Variants in ROS1 observed in about 807,000 individuals in gnomAD.
The protein encoded by ROS1 is proto-oncogene tyrosine-protein kinase ROS.
ROS1 carries 263 observed loss-of-function variants against 273.5 expected under a neutral mutation model. The observed-to-expected ratio is 0.96, with a 90% confidence interval of 0.87 to 1.06. The LOEUF (loss-of-function observed/expected upper bound fraction) is 1.06, where lower values mean the gene tolerates loss of function less well. ROS1 is among the 50% of genes least tolerant of loss of function. The pLI is 0.00. For missense variants in ROS1, 2,833 were observed against 2,751.1 expected, an observed-to-expected ratio of 1.03 and a Z score of -0.67; for synonymous variants, 1,008 against 954.1, an observed-to-expected ratio of 1.06 and a Z score of -1.04.
intron 27 of ROS1, among the ~76,000 whole-genome samples, chr6:117,346,806 C>T (rs538992374): frequency 2.0e-5 from 3 of 152,150 alleles, no homozygotes; most frequent in East Asian, 1.9e-4. Context: ...GTACATTTTA[C>T]GGGTTTGGAC....
rs1562362971 is a variant in ROS1, at chr6:117,397,060, CCA to C, written c.659_660del (p.Val220GlyfsTer18). ...RNIESSSPDT[V>X]EVSWDPPQFP... is the part of the protein sequence containing the mutation. The stretch of plus-strand genomic sequence containing the variant: ...AATTGAGGTGGATCCCAGCTGACTT[CCA>C]CAGTGTCGGGACTTGAGCTCTCAAT... On this transcript the variant is annotated frameshift_variant, in exon 8 of 44. Coordinates refer to ENST00000368507, the MANE Select transcript of ROS1 (RefSeq NM_001378902.1). LOFTEE classifies it high-confidence loss of function. The C allele has an allele frequency of 6.2e-7, 1 of 1,613,982 alleles. No individual in the cohort carries two copies. Among genetic ancestry groups the C allele is most frequent in the Admixed American group, 1.7e-5 (1 of 60,016 alleles).
At position 117,425,734 on chromosome 6, in the gene ROS1, A is replaced by G; in HGVS notation, c.-78T>C. On this transcript the variant is annotated 5_prime_UTR_variant, in exon 1 of 44. Coordinates refer to ENST00000368507, the MANE Select transcript of ROS1 (RefSeq NM_001378902.1). ...CTATATGAATTATTTGGGCTTCATC[A>G]CTTCAATTGGAGGAGTAGCTGATGG... is the stretch of plus-strand genomic sequence containing the variant. 1 of 1,480,798 alleles carries G rather than the reference A, an allele frequency of 6.8e-7. No homozygotes were observed. Among genetic ancestry groups the G allele is most frequent in the Non-Finnish European group, 9.3e-7 (1 of 1,077,006 alleles). 91.7% of individuals were successfully genotyped at this position (1,480,798 alleles called of 1,614,324 possible).
chr6:117,316,239 A>G (rs956809309), intron 39 of ROS1, among the ~76,000 whole-genome samples: 7 of 152,098 alleles, frequency 4.6e-5, no homozygotes, highest in African/African-American at 1.4e-4. Context: ...TGAAAAATCA[A>G]CATGTGTCAG....
chr6:117,383,315 ACCTTTTTCCCAGAAAACCAAGG>A lies in ROS1; in HGVS notation c.2461_2481+1del, dbSNP rs766485383. On this transcript the variant is annotated splice_donor_variant and coding_sequence_variant, in exon 17 of 44. Coordinates refer to ENST00000368507, the MANE Select transcript of ROS1 (RefSeq NM_001378902.1). LOFTEE classifies it high-confidence loss of function. The stretch of plus-strand genomic sequence containing the variant: ...AAATGATCAGATCTTTTAATTTGTC[ACCTTTTTCCCAGAAAACCAAGG>A]CTGTGTCTGTAGTACAAGGGAACTT... 2 of 1,609,192 alleles carry A rather than the reference ACCTTTTTCCCAGAAAACCAAGG, an allele frequency of 1.2e-6. No homozygotes were observed. Among genetic ancestry groups the A allele is most frequent in the Non-Finnish European group, 1.7e-6 (2 of 1,175,912 alleles).
At position 117,321,293 on chromosome 6, in the gene ROS1, C is replaced by G. The variant is rs759091073; in HGVS notation, c.5725G>C (p.Gly1909Arg). 8.1e-5 allele frequency: 130 copies of G among 1,613,698 alleles called. No homozygotes were observed. The highest frequency in any genetic ancestry group is 1.1e-4 in the Non-Finnish European group (125 of 1,179,846). ...ELAELRGLAA[G>R]VGLANACYAI... ...TAGCAGGCATTAGCCAGGCCTACTC[C>G]GGCTGCCAGACCTCGCAGCTCAGCC... The change falls in exon 36 of 44, where the codon GGA (glycine) becomes CGA (arginine). Residue 1909 changes from glycine to arginine, a missense_variant. Physicochemically the swap from Gly to Arg is moderately radical, Grantham distance 125 (BLOSUM62 -2). Transcript: ENST00000368507.
intron 17 of ROS1, among the ~76,000 whole-genome samples, chr6:117,381,183 GTT>G (rs752612391): frequency 7.6e-5 from 9 of 118,500 alleles, no homozygotes; most frequent in South Asian, 2.8e-4. Context: ...GCAGAGGACT[GTT>G]TTTTTTTTTT....
At chr6:117,340,135 T>G (rs1004623310) in intron 31 of ROS1, among the ~76,000 whole-genome samples, 1 of 152,176 alleles carries the variant, frequency 6.6e-6, no homozygotes, top group Non-Finnish European at 1.5e-5. Flanking sequence ...TTCTCCAATT[T>G]AACTGCATTT....
At chr6:117,417,543 T>A (rs945958119) in intron 2 of ROS1, among the ~76,000 whole-genome samples, 6 of 152,206 alleles carry the variant, frequency 3.9e-5, no homozygotes, top group African/African-American at 1.4e-4. Flanking sequence ...AAACTCTGTA[T>A]GTCTTTCCAA....
intron 2 of ROS1, among the ~76,000 whole-genome samples, chr6:117,417,039 G>C (rs1775390744): frequency 6.6e-6 from 1 of 151,780 alleles, no homozygotes; most frequent in Non-Finnish European, 1.5e-5. Context: ...CACTCTTCTA[G>C]TTCTCCCGGA....
At chr6:117,298,273 A>G (rs1035901240) in intron 43 of ROS1, among the ~76,000 whole-genome samples, 2 of 152,196 alleles carry the variant, frequency 1.3e-5, no homozygotes, top group Admixed American at 6.5e-5. Context: ...TACAATATTC[A>G]GGTGATAGAT....
chr6:117,394,630 T>C lies in ROS1; in HGVS notation c.992A>G (p.Tyr331Cys). ...ATCATACTGACCTGTAATATTATGG[T>C]ATATAGCATCCAACCGAAGGCAATG... Reference protein sequence around the residue: ...EAHCLRLDAIYHNITGISVDV... With the variant: ...EAHCLRLDAICHNITGISVDV... The change falls in exon 10 of 44, where the codon TAC becomes TGC. Residue 331 changes from tyrosine (Y) to cysteine (C), a missense_variant. Tyr to Cys is a radical substitution (Grantham distance 194). Transcript: ENST00000368507. The C allele has an allele frequency of 6.2e-7, 1 of 1,610,126 alleles. No homozygotes were observed. The highest frequency in any genetic ancestry group is 8.5e-7 in the Non-Finnish European group (1 of 1,177,470).
intron 42 of ROS1, among the ~76,000 whole-genome samples, chr6:117,302,947 C>A (rs530157212): frequency 6.6e-6 from 1 of 152,324 alleles, no homozygotes; most frequent in South Asian, 2.1e-4. Flanking sequence ...CCGCCTCTAT[C>A]AAGTTCTCTT....
intron 2 of ROS1, among the ~76,000 whole-genome samples, chr6:117,417,191 G>GTT (rs1775402847): frequency 6.6e-6 from 1 of 151,998 alleles, no homozygotes; most frequent in Admixed American, 6.6e-5. Flanking sequence ...GTTCCTACAA[G>GTT]CACTTCAGAT....
chr6:117,371,433 C>A (rs568046673), intron 18 of ROS1, among the ~76,000 whole-genome samples: 2 of 152,240 alleles, frequency 1.3e-5, no homozygotes, highest in East Asian at 1.9e-4. Context: ...CACTTGCAGT[C>A]CCCAGGGAAA....
At chr6:117,305,414 C>A (rs1018814454) in intron 42 of ROS1, among the ~76,000 whole-genome samples, 1 of 152,156 alleles carries the variant, frequency 6.6e-6, no homozygotes, top group Non-Finnish European at 1.5e-5. Flanking sequence ...AAAAGTTCAG[C>A]CTCTTGTTTA....
chr6:117,318,222 TCTC>T lies in ROS1; in HGVS notation c.5950_5952del (p.Glu1984del), dbSNP rs777754807. 1.9e-6 allele frequency: 3 copies of T among 1,612,924 alleles called. No individual in the cohort carries two copies. Among genetic ancestry groups the T allele is most frequent in the Non-Finnish European group, 2.5e-6 (3 of 1,179,264 alleles). ...TGTGCCTCCTTCAGGAATTCAATCTTCTCCTGGTCTGTGGAACCCTTCTTCAAA... is the reference window on the plus strand; with the variant it reads ...TGTGCCTCCTTCAGGAATTCAATCTTCTGGTCTGTGGAACCCTTCTTCAAA... On this transcript the variant is annotated inframe_deletion, in exon 38 of 44. Transcript: ENST00000368507.
chr6:117,387,259 C>T (rs904691239), intron 14 of ROS1, among the ~76,000 whole-genome samples: 17 of 152,150 alleles, frequency 1.1e-4, no homozygotes, highest in Non-Finnish European at 1.8e-4. Context: ...GCCTCTATAA[C>T]GGTGTCTTGA....
At chr6:117,392,128 G>A (rs961026437) in intron 12 of ROS1, among the ~76,000 whole-genome samples, 4 of 152,154 alleles carry the variant, frequency 2.6e-5, no homozygotes, top group East Asian at 3.8e-4. Flanking sequence ...TCATAGGACC[G>A]TAGACCTTTA....
intron 32 of ROS1, among the ~76,000 whole-genome samples, chr6:117,331,447 A>G (rs1307780971): frequency 6.6e-6 from 1 of 152,234 alleles, no homozygotes; most frequent in Non-Finnish European, 1.5e-5. Flanking sequence ...AACTTCCCCA[A>G]CCTAGCAAGA....
Sources: gnomAD v4.1 joint callset for allele counts (sites outside exome capture counted in the v4.1 genomes callset) on GRCh38, gnomAD v4.1.1 for gene constraint, MANE v1.5 for transcripts, NCBI Gene and HGNC (gene_info 2026-07-23, HGNC 2026-07-21) for gene names.